Variants in NBAS observed in about 807,000 individuals in gnomAD.
The protein encoded by NBAS is NBAS subunit of NRZ tethering complex, also known as NAG/BC035112 fusion.
Under a neutral mutation model 302.5 loss-of-function variants are expected in NBAS, and 219 were observed. That is an observed-to-expected ratio of 0.72 (90% CI 0.65 to 0.81). NBAS has a LOEUF of 0.81. Ranked by LOEUF, NBAS falls within the 30% of genes least tolerant of loss-of-function variation. The pLI is 0.00. For missense variants in NBAS, 2,932 were observed against 2,841.6 expected (o/e 1.03, Z -0.72); for synonymous variants, 1,118 against 1,021.6 (o/e 1.09, Z -1.80).
the NBAS span, among the ~76,000 whole-genome samples, chr2:14,845,229 G>T: frequency 6.6e-6 from 1 of 152,168 alleles, no homozygotes; most frequent in Admixed American, 6.5e-5. Context: ...ATTTCCTCTG[G>T]AAAAGGTAAA....
chr2:15,254,658 A>G (rs956512112), intron 44 of NBAS, among the ~76,000 whole-genome samples: 1 of 152,110 alleles, frequency 6.6e-6, no homozygotes, highest in Non-Finnish European at 1.5e-5. Flanking sequence ...AGCAGTGTAT[A>G]CTATATCCAA....
intron 48 of NBAS, among the ~76,000 whole-genome samples, chr2:15,208,073 C>T (rs543007419): frequency 2.6e-5 from 4 of 152,246 alleles, no homozygotes; most frequent in Admixed American, 2.6e-4. Flanking sequence ...AGAGATAGGC[C>T]TTGTATTAGT....
intron 6 of NBAS, among the ~76,000 whole-genome samples, chr2:15,547,376 C>T (rs1664165039): frequency 6.6e-6 from 1 of 152,110 alleles, no homozygotes. Flanking sequence ...CATTACCTCA[C>T]ATTATGTGAA....
the NBAS span, among the ~76,000 whole-genome samples, chr2:15,073,719 A>T: frequency 1.3e-5 from 2 of 152,078 alleles, no homozygotes; most frequent in Admixed American, 1.3e-4. Flanking sequence ...TACATATAAC[A>T]TTGTCTTCCT....
chr2:15,218,681 G>A lies in NBAS; in HGVS notation c.6432+92C>T. 1.9e-6 allele frequency: 3 copies of A among 1,539,076 alleles called. 1 individual carries two copies. The South Asian group carries it at 3.4e-5, about 17-fold the overall frequency. Reference sequence around the variant, plus strand: ...GGCCTCAGGTGATCCTCCCACCTTGGCCTCCCACAATGCTGGGATTACAGG... The same window carrying A: ...GGCCTCAGGTGATCCTCCCACCTTGACCTCCCACAATGCTGGGATTACAGG... On this transcript the variant is annotated intron_variant, in intron 48 of 51. Transcript: ENST00000281513.
intron 47 of NBAS, among the ~76,000 whole-genome samples, chr2:15,227,935 T>C (rs13385555): frequency 0.014 from 2,176 of 152,212 alleles, 24 homozygotes; most frequent in African/African-American, 0.037. Context: ...TGAGAAAAGA[T>C]ATTTTGAATA....
intron 48 of NBAS, among the ~76,000 whole-genome samples, chr2:15,213,103 C>T (rs963812389): frequency 6.6e-6 from 1 of 152,050 alleles, no homozygotes; most frequent in African/African-American, 2.4e-5. Context: ...TTATTATTTC[C>T]ATTTTTTAGA....
chr2:15,230,425 GTTTCT>G (rs1667335273), intron 47 of NBAS, among the ~76,000 whole-genome samples: 1 of 133,784 alleles, frequency 7.5e-6, no homozygotes, highest in Admixed American at 7.4e-5. Context: ...GTTCTCTGAA[GTTTCT>G]TTTGTTAAGA....
At chr2:15,093,801 C>G in the NBAS span, among the ~76,000 whole-genome samples, 1 of 152,072 alleles carries the variant, frequency 6.6e-6, no homozygotes, top group African/African-American at 2.4e-5. Flanking sequence ...TATGAATAAT[C>G]AAGCCTGGCT....
rs918078623 is a variant in NBAS, at chr2:15,504,160, G to A, written c.939C>T (p.Arg313=). ...LRMLSVKFYS[R]QGQEQDGIFK... Reference sequence around the variant, plus strand: ...TTTGTGTTACCTGTTCTTGTCCCTGGCGACTGTAAAACTTGACACTTAACA... The same window carrying A: ...TTTGTGTTACCTGTTCTTGTCCCTGACGACTGTAAAACTTGACACTTAACA... Residue 313 remains arginine, a synonymous_variant, in exon 11 of 52, where the codon CGC becomes CGT. Transcript: ENST00000281513. 4 of 1,613,230 alleles carry A rather than the reference G, an allele frequency of 2.5e-6. No individual in the cohort carries two copies. Among genetic ancestry groups the A allele is most frequent in the Non-Finnish European group, 3.4e-6 (4 of 1,179,442 alleles).
chr2:14,942,175 G>C, the NBAS span, among the ~76,000 whole-genome samples: 2 of 152,162 alleles, frequency 1.3e-5, no homozygotes, highest in African/African-American at 4.8e-5. Context: ...ACCTCGTTCA[G>C]GATAATTTTG....
At chr2:15,077,690 CTT>C in the NBAS span, among the ~76,000 whole-genome samples, 3 of 134,870 alleles carry the variant, frequency 2.2e-5, no homozygotes, top group Admixed American at 7.2e-5. Flanking sequence ...CTTTTTTTTT[CTT>C]TTTTTTTTTG....
chr2:14,785,912 G>C, the NBAS span, among the ~76,000 whole-genome samples: 1 of 152,110 alleles, frequency 6.6e-6, no homozygotes, highest in African/African-American at 2.4e-5. Context: ...GTTCCTCCTT[G>C]TACCTCTGGT....
chr2:14,793,074 CT>C, the NBAS span, among the ~76,000 whole-genome samples: 2 of 150,114 alleles, frequency 1.3e-5, no homozygotes, highest in African/African-American at 4.9e-5. Flanking sequence ...CTGTTTCTCT[CT>C]CTCTCTCTCT....
Position 15,291,338 on chromosome 2 carries a change from G to A in NBAS, c.5027+1199C>T, listed in dbSNP as rs148513587. On this transcript the variant is annotated intron_variant, in intron 41 of 51. Coordinates refer to ENST00000281513, the MANE Select transcript of NBAS (RefSeq NM_015909.4). Reference sequence around the variant, plus strand: ...AGGGATAACAACATTTTATCTCACAGGGTTATCCTTGAGGATTAAAAGACA... The same window carrying A: ...AGGGATAACAACATTTTATCTCACAAGGTTATCCTTGAGGATTAAAAGACA... Among the ~76,000 whole-genome samples, 282 of 152,276 alleles carry A rather than the reference G, an allele frequency of 1.9e-3. 1 individual carries two copies. The highest frequency in any genetic ancestry group is 6.6e-3 in the African/African-American group (276 of 41,552).
chr2:15,366,439 G>A, intron 32 of NBAS, 141 bp downstream of exon 32: 1 of 801,410 alleles, frequency 1.2e-6, no homozygotes, highest in Non-Finnish European at 2.1e-6. Context: ...CTGCACTCCA[G>A]CCTGAGCAAC....
At chr2:15,085,002 A>C in the NBAS span, among the ~76,000 whole-genome samples, 1 of 152,238 alleles carries the variant, frequency 6.6e-6, no homozygotes, top group Admixed American at 6.5e-5. Context: ...GGGAGCATGC[A>C]GGGAGGAGGC....
intron 3 of NBAS, 115 bp downstream of exon 3, chr2:15,556,668 G>C: frequency 2.0e-6 from 2 of 994,914 alleles, no homozygotes. Flanking sequence ...GAGTTTGCCT[G>C]AATGTCAGCA....
chr2:15,210,501 G>T (rs1214365988), intron 48 of NBAS, among the ~76,000 whole-genome samples: 1 of 152,140 alleles, frequency 6.6e-6, no homozygotes, highest in African/African-American at 2.4e-5. Context: ...GGAGAAAAAG[G>T]AATCCTCATG....
Sources: gnomAD v4.1 joint callset for allele counts (sites outside exome capture counted in the v4.1 genomes callset) on GRCh38, gnomAD v4.1.1 for gene constraint, MANE v1.5 for transcripts, NCBI Gene and HGNC (gene_info 2026-07-23, HGNC 2026-07-21) for gene names.